Variants in CYP1B1 observed in about 807,000 individuals in gnomAD.
CYP1B1 encodes the protein cytochrome P450 1B1.
A neutral mutation model predicts 29.9 loss-of-function variants in CYP1B1; 22 were observed. The ratio of observed to expected loss-of-function variants is 0.74; its 90% CI spans 0.53 to 1.05. The LOEUF (loss-of-function observed/expected upper bound fraction) is 1.05. Ranked by LOEUF, CYP1B1 falls within the 50% of genes least tolerant of loss-of-function variation. CYP1B1 has a pLI of 0.00. For synonymous variants in CYP1B1, 375 were observed against 320.0 expected, an observed-to-expected ratio of 1.17 and a Z score of -1.83; for missense variants, 883 against 746.9, an observed-to-expected ratio of 1.18 and a Z score of -2.12.
At position 38,071,101 on chromosome 2, in the gene CYP1B1, G is replaced by A. The variant is rs1682424004; in HGVS notation, c.1253C>T (p.Thr418Ile). The change falls in exon 3 of 3, where the codon ACT (threonine) becomes ATT (isoleucine). Residue 418 changes from threonine to isoleucine, a missense_variant. Thr to Ile is a moderately conservative substitution (Grantham distance 89). Transcript: ENST00000610745. ...AGACCACTGGTTGACAAAAACCACAGTGTCCTTGGGAATGTGGTAGCCCAA... is the reference window on the plus strand; with the variant it reads ...AGACCACTGGTTGACAAAAACCACAATGTCCTTGGGAATGTGGTAGCCCAA... ...SVLGYHIPKDTVVFVNQWSVN... is the reference protein window; with the variant it reads ...SVLGYHIPKDIVVFVNQWSVN... 3 of 1,612,564 alleles carry A rather than the reference G, an allele frequency of 1.9e-6. No individual in the cohort carries two copies. The highest frequency in any genetic ancestry group is 2.5e-6 in the Non-Finnish European group (3 of 1,178,592).
chr2:38,070,482 A>C lies in CYP1B1; in HGVS notation c.*240T>G. On this transcript the variant is annotated 3_prime_UTR_variant, in exon 3 of 3. Coordinates refer to ENST00000610745, the MANE Select transcript of CYP1B1 (RefSeq NM_000104.4). ...AACCAAGATGCAGTATGTATATAATAATTCATTGGGCCCTTTAAGTCTTTG... is the reference window on the plus strand; with the variant it reads ...AACCAAGATGCAGTATGTATATAATCATTCATTGGGCCCTTTAAGTCTTTG... 3.7e-5 allele frequency: 20 copies of C among 536,180 alleles called. No homozygotes were observed. The highest frequency in any genetic ancestry group is 5.1e-4 in the Middle Eastern group (1 of 1,974). 33.2% of individuals were successfully genotyped at this position (536,180 alleles called of 1,614,324 possible).
intron 2 of CYP1B1, chr2:38,074,025 C>A: frequency 2.1e-6 from 1 of 477,672 alleles, no homozygotes; most frequent in Middle Eastern, 5.7e-4. Flanking sequence ...TATCAGGGCT[C>A]ATCTCCAAGC....
rs1280963632 is a variant in CYP1B1, at chr2:38,068,853, G to A, written c.*1869C>T. 8.8e-6 allele frequency: 2 copies of A among 227,254 alleles called. No homozygotes were observed. Among genetic ancestry groups the A allele is most frequent in the Non-Finnish European group, 1.7e-5 (2 of 114,392 alleles). 14.1% of individuals were successfully genotyped at this position (227,254 alleles called of 1,614,324 possible). On this transcript the variant is annotated 3_prime_UTR_variant, in exon 3 of 3. Transcript: ENST00000610745. ...CTCCAAATTAATTAATTCAGAATGA[G>A]TGGGAAAATGTTTAACCATCTTTCC...
In CYP1B1 at chr2:38,069,742, T is replaced by C. The variant is rs34521017; in HGVS notation, c.*980A>G. ...GTTAGTTGTACTTTTCAATTTTCAA[T>C]ATTATACAAGGCATATATTATTCAA... On this transcript the variant is annotated 3_prime_UTR_variant, in exon 3 of 3. Transcript: ENST00000610745. 2.0e-5 allele frequency: 4 copies of C among 200,140 alleles called. No individual in the cohort carries two copies. Among genetic ancestry groups the C allele is most frequent in the Non-Finnish European group, 3.1e-5 (3 of 97,214 alleles). 12.4% of individuals were successfully genotyped at this position (200,140 alleles called of 1,614,324 possible). A position where few individuals can be genotyped will look rare whatever the true frequency, so the allele number is the denominator to read the frequency against.
intron 2 of CYP1B1, 138 bp from the exon 3 acceptor site, chr2:38,071,448 G>A: frequency 1.2e-6 from 1 of 811,664 alleles, no homozygotes; most frequent in Non-Finnish European, 2.0e-6. Flanking sequence ...TAATATTTCT[G>A]GGAAAAAAAT....
rs1317183889 is a variant in CYP1B1 at position 38,075,041 on chromosome 2, G to C, written c.348C>G (p.Asp116Glu). ...ALVQQGSAFADRPAFASFRVV... is the reference protein window; with the variant it reads ...ALVQQGSAFAERPAFASFRVV... ...CACGGAAGGAGGCGAAGGCCGGCCG[G>C]TCGGCGAAGGCCGAGCCCTGCTGCA... The change falls in exon 2 of 3, where the codon GAC (aspartate) becomes GAG (glutamate). Residue 116 changes from aspartate to glutamate, a missense_variant. Transcript: ENST00000610745. The C allele has an allele frequency of 3.2e-5, 51 of 1,588,252 alleles. No individual in the cohort carries two copies. Among genetic ancestry groups the C allele is most frequent in the Non-Finnish European group, 4.2e-5 (49 of 1,175,366 alleles).
intron 2 of CYP1B1, among the ~76,000 whole-genome samples, chr2:38,072,120 A>T (rs1682445352): frequency 6.6e-6 from 1 of 152,256 alleles, no homozygotes; most frequent in African/African-American, 2.4e-5. Flanking sequence ...AGAGACATGA[A>T]GGTAACCTCT....
chr2:38,071,410 A>G, intron 2 of CYP1B1, 100 bp from the exon 3 acceptor site: 1 of 1,110,724 alleles, frequency 9.0e-7, no homozygotes, highest in Middle Eastern at 2.0e-4. Context: ...CTTTTTCTTA[A>G]ATAGGCTATC....
At position 38,070,579 on chromosome 2, in the gene CYP1B1, C is replaced by G. The variant is rs958405919; in HGVS notation, c.*143G>C. 2 of 770,190 alleles carry G rather than the reference C, an allele frequency of 2.6e-6. No individual in the cohort carries two copies. Among genetic ancestry groups the G allele is most frequent in the South Asian group, 3.3e-5 (2 of 61,016 alleles). The allele number at this position is 770,190 out of a possible 1,614,324, so 47.7% of individuals were successfully genotyped here. ...AAGAACCGCTGGGTATGGAGCACAC[C>G]TCACCTGATGGACAGTTGATTTATG... On this transcript the variant is annotated 3_prime_UTR_variant, in exon 3 of 3. Coordinates refer to ENST00000610745, the MANE Select transcript of CYP1B1 (RefSeq NM_000104.4).
In CYP1B1 at chr2:38,075,378, C is replaced by T; in HGVS notation, c.11G>A (p.Ser4Asn). 6.2e-7 allele frequency: 1 copy of T among 1,612,690 alleles called. No individual in the cohort carries two copies. Reference sequence around the variant, plus strand: ...CGGCCAAGGGTCGTTCGGGCTGAGGCTGGTGCCCATGCTGGGGACAGAGAG... The same window carrying T: ...CGGCCAAGGGTCGTTCGGGCTGAGGTTGGTGCCCATGCTGGGGACAGAGAG... MGT[S>N]LSPNDPWPLN... The change falls in exon 2 of 3, where the codon AGC becomes AAC. Residue 4 changes from serine to asparagine, a missense_variant. Transcript: ENST00000610745.
rs1376343357 is a variant in CYP1B1 at position 38,075,638 on chromosome 2, CG to C, written c.-2+141del. 4.3e-5 allele frequency: 25 copies of C among 585,486 alleles called. No individual in the cohort carries two copies. The Admixed American group carries it at 6.9e-4, about 16-fold the overall frequency. The allele number at this position is 585,486 out of a possible 1,614,324, so 36.3% of individuals were successfully genotyped here. A position where few individuals can be genotyped will look rare whatever the true frequency, so the allele number is the denominator to read the frequency against. On this transcript the variant is annotated intron_variant, in intron 1 of 2. Transcript: ENST00000610745. ...CTTCCCCTCCCCGCAAGGCGCGTAACGGTTCCTGCAATCTGGGGACAACGCT... is the reference window on the plus strand; with the variant it reads ...CTTCCCCTCCCCGCAAGGCGCGTAACGTTCCTGCAATCTGGGGACAACGCT...
intron 1 of CYP1B1, 77 bp from the exon 2 acceptor site, chr2:38,075,466 C>G (rs1169782242): frequency 1.2e-5 from 17 of 1,446,100 alleles, no homozygotes; most frequent in Non-Finnish European, 1.6e-5. Context: ...CTACCCCAGC[C>G]TCTGGGGACT....
rs1682389046 is a variant in CYP1B1 at position 38,069,726 on chromosome 2, A to G, written c.*996T>C. On this transcript the variant is annotated 3_prime_UTR_variant, in exon 3 of 3. Coordinates refer to ENST00000610745, the MANE Select transcript of CYP1B1 (RefSeq NM_000104.4). ...TAGCACACTTGGTTGCGTTAGTTGT[A>G]CTTTTCAATTTTCAATATTATACAA... 1 of 200,410 alleles carries G rather than the reference A, an allele frequency of 5.0e-6. No individual in the cohort carries two copies. Among genetic ancestry groups the G allele is most frequent in the South Asian group, 1.9e-4 (1 of 5,254 alleles). 12.4% of individuals were successfully genotyped at this position (200,410 alleles called of 1,614,324 possible).
intron 2 of CYP1B1, 22 bp from the exon 3 acceptor site, chr2:38,071,332 G>GA (rs768380638): frequency 1.9e-6 from 3 of 1,608,050 alleles, no homozygotes; most frequent in Admixed American, 3.3e-5. Flanking sequence ...TTAATGTGGA[G>GA]AGAGAAAAGC....
chr2:38,073,605 A>G (rs921747489), intron 2 of CYP1B1: 3 of 152,274 alleles, frequency 2.0e-5, no homozygotes, highest in African/African-American at 7.2e-5. Flanking sequence ...GGGGTCCGCT[A>G]ACTGAGCCAA....
At position 38,074,805 on chromosome 2, in the gene CYP1B1, G is replaced by A. The variant is rs1339939875; in HGVS notation, c.584C>T (p.Pro195Leu). 1.9e-6 allele frequency: 3 copies of A among 1,579,196 alleles called. No homozygotes were observed. Among genetic ancestry groups the A allele is most frequent in the African/African-American group, 2.7e-5 (2 of 74,262 alleles). The change falls in exon 2 of 3, where the codon CCG becomes CTG. Residue 195 changes from proline to leucine, a missense_variant. Coordinates refer to ENST00000610745, the MANE Select transcript of CYP1B1 (RefSeq NM_000104.4). ...SADGAFLDPR[P>L]LTVVAVANVM... Reference sequence around the variant, plus strand: ...GTTGGCCACGGCCACGACGGTCAGCGGCCTCGGGTCGAGGAAGGCGCCGTC... The same window carrying A: ...GTTGGCCACGGCCACGACGGTCAGCAGCCTCGGGTCGAGGAAGGCGCCGTC...
At position 38,070,883 on chromosome 2, in the gene CYP1B1, A is replaced by C; in HGVS notation, c.1471T>G (p.Cys491Gly). The change falls in exon 3 of 3, where the codon TGC (cysteine) becomes GGC (glycine). Residue 491 changes from cysteine (C) to glycine (G), a missense_variant. Cys to Gly is a radical substitution (Grantham distance 159). Transcript: ENST00000610745. The stretch of plus-strand genomic sequence containing the variant: ...TCATTTGGGTTGGCCCTGAAATCGC[A>C]CTGGTGAGCCAGGATGGAGATGAAG... ...FLFISILAHQ[C>G]DFRANPNEPA... is the part of the protein sequence containing the mutation. The C allele has an allele frequency of 1.9e-6, 3 of 1,614,172 alleles. No individual in the cohort carries two copies. Among genetic ancestry groups the C allele is most frequent in the Non-Finnish European group, 2.5e-6 (3 of 1,180,020 alleles).
At position 38,075,151 on chromosome 2, in the gene CYP1B1, G is replaced by C. The variant is rs1163061699; in HGVS notation, c.238C>G (p.Arg80Gly). ...CGGATCTGGAAAACGTCGCCGTAGC[G>C]CCGCGCCAGGCGAGCGAACGAGAGG... ...AHLSFARLAR[R>G]YGDVFQIRLG... Residue 80 changes from arginine to glycine, a missense_variant, in exon 2 of 3, where the codon CGC (arginine) becomes GGC (glycine). Physicochemically the swap from Arg to Gly is moderately radical, Grantham distance 125. Transcript: ENST00000610745. 4 of 1,573,126 alleles carry C rather than the reference G, an allele frequency of 2.5e-6. 1 individual carries two copies. Among genetic ancestry groups the C allele is most frequent in the South Asian group, 2.3e-5 (2 of 88,120 alleles).
rs1450327672 is a variant in CYP1B1, at chr2:38,069,986, G to C, written c.*736C>G. 1 of 201,172 alleles carries C rather than the reference G, an allele frequency of 5.0e-6. No individual in the cohort carries two copies. Among genetic ancestry groups the C allele is most frequent in the Non-Finnish European group, 1.0e-5 (1 of 98,076 alleles). The allele number at this position is 201,172 out of a possible 1,614,324, so 12.5% of individuals were successfully genotyped here. On this transcript the variant is annotated 3_prime_UTR_variant, in exon 3 of 3. Coordinates refer to ENST00000610745, the MANE Select transcript of CYP1B1 (RefSeq NM_000104.4). ...AAAAGAGGTACAACATCACCTTGGA[G>C]TTTTACAATTTAATAATGCATACTT...
Sources: allele counts gnomAD v4.1 joint callset (sites outside exome capture counted in the v4.1 genomes callset), GRCh38; gene constraint gnomAD v4.1.1; transcripts MANE v1.5; gene names NCBI Gene and HGNC (gene_info 2026-07-23, HGNC 2026-07-21).